The following YAP1 variants were observed in gnomAD, a reference collection of about 807,000 sequenced individuals.
YAP1 encodes the protein Yes1 associated transcriptional regulator.
YAP1 carries 5 observed loss-of-function variants against 56.9 expected under a neutral mutation model. The ratio of observed to expected loss-of-function variants is 0.09; its 90% CI spans 0.05 to 0.18. The LOEUF is 0.18. YAP1 is among the 10% of genes least tolerant of loss of function. YAP1 has a pLI of 1.00. For synonymous variants in YAP1, 265 were observed against 248.1 expected (o/e 1.07, Z -0.64); for missense variants, 539 against 651.8 (o/e 0.83, Z 1.88).
chr11:102,206,370 A>G lies in YAP1; in HGVS notation c.984+296A>G, dbSNP rs147048316. ...AGCAAGGATGCTTTCTCTAATGTAC[A>G]TGGAATTGTGGATTGCTGTTTTTCT... On this transcript the variant is annotated intron_variant, in intron 5 of 8. Transcript: ENST00000282441. Among the ~76,000 whole-genome samples the G allele has an allele frequency of 3.6e-3, 553 of 152,340 alleles. 3 individuals carry two copies. Among genetic ancestry groups the G allele is most frequent in the Middle Eastern group, 0.014 (4 of 294 alleles).
chr11:102,193,878 G>A (rs1213470724), intron 4 of YAP1, among the ~76,000 whole-genome samples: 2 of 147,524 alleles, frequency 1.4e-5, no homozygotes, highest in Non-Finnish European at 3.0e-5. Context: ...TCGCTCTGTC[G>A]CCCAGGCTGG....
chr11:102,200,908 G>A (rs1384045529), intron 4 of YAP1, among the ~76,000 whole-genome samples: 2 of 152,104 alleles, frequency 1.3e-5, no homozygotes, highest in Non-Finnish European at 2.9e-5. Flanking sequence ...TTTCAGATGG[G>A]CAGAAACCCA....
intron 2 of YAP1, among the ~76,000 whole-genome samples, chr11:102,134,464 A>G (rs1944555005): frequency 6.7e-6 from 1 of 148,276 alleles, no homozygotes; most frequent in African/African-American, 2.5e-5. Context: ...CTCTTTTTTT[A>G]ATCTATGAAA....
At chr11:102,150,059 C>T (rs1945545242) in intron 2 of YAP1, among the ~76,000 whole-genome samples, 2 of 135,054 alleles carry the variant, frequency 1.5e-5, no homozygotes, top group African/African-American at 5.4e-5. Flanking sequence ...ATCTCGGCTC[C>T]TTGCAACTTC....
intron 3 of YAP1, among the ~76,000 whole-genome samples, chr11:102,174,753 A>C (rs1947135717): frequency 6.6e-6 from 1 of 152,114 alleles, no homozygotes; most frequent in South Asian, 2.1e-4. Flanking sequence ...AAAGACAAAA[A>C]AGTCAGCGTC....
At chr11:102,194,403 C>G (rs1948466445) in intron 4 of YAP1, among the ~76,000 whole-genome samples, 2 of 152,312 alleles carry the variant, frequency 1.3e-5, no homozygotes, top group South Asian at 4.1e-4. Context: ...TTTTAGAACT[C>G]ATTCTGGACT....
chr11:102,150,648 A>C (rs986211121), intron 2 of YAP1, among the ~76,000 whole-genome samples: 12 of 152,250 alleles, frequency 7.9e-5, no homozygotes, highest in Non-Finnish European at 1.8e-4. Flanking sequence ...TGTATGGCTT[A>C]CAGTAACTTA....
At chr11:102,114,734 A>G (rs763958910) in intron 2 of YAP1, among the ~76,000 whole-genome samples, 75 of 152,318 alleles carry the variant, frequency 4.9e-4, no homozygotes, top group Non-Finnish European at 8.5e-4. Flanking sequence ...AAAATTTTCA[A>G]ATTCTGGGAA....
chr11:102,200,155 A>G (rs1824558279), intron 4 of YAP1, among the ~76,000 whole-genome samples: 1 of 152,220 alleles, frequency 6.6e-6, no homozygotes, highest in South Asian at 2.1e-4. Flanking sequence ...CCGTACTAGT[A>G]TAAGAATAGT....
chr11:102,150,685 G>T (rs963338136), intron 2 of YAP1, among the ~76,000 whole-genome samples: 10 of 151,622 alleles, frequency 6.6e-5, no homozygotes, highest in African/African-American at 2.2e-4. Context: ...CTTAATTTAT[G>T]CTTTAAACCT....
At chr11:102,163,949 A>G (rs1276712997) in intron 3 of YAP1, among the ~76,000 whole-genome samples, 3 of 152,228 alleles carry the variant, frequency 2.0e-5, no homozygotes, top group Non-Finnish European at 4.4e-5. Context: ...TAAATTCTGA[A>G]GAAAAATTCC....
intron 2 of YAP1, among the ~76,000 whole-genome samples, chr11:102,147,019 T>C (rs1945359303): frequency 6.6e-6 from 1 of 152,198 alleles, no homozygotes; most frequent in African/African-American, 2.4e-5. Flanking sequence ...CTTTAATTCC[T>C]TTATCTGGAG....
intron 2 of YAP1, among the ~76,000 whole-genome samples, chr11:102,130,368 A>G (rs574737844): frequency 2.6e-5 from 4 of 152,266 alleles, no homozygotes; most frequent in African/African-American, 9.6e-5. Context: ...TTAAGGTCAC[A>G]GTTAAAATTT....
intron 4 of YAP1, among the ~76,000 whole-genome samples, chr11:102,189,364 T>G (rs1405744380): frequency 2.0e-5 from 3 of 152,184 alleles, no homozygotes; most frequent in Non-Finnish European, 4.4e-5. Context: ...TTTAAAACAC[T>G]AATAGTTGAT....
At chr11:102,201,301 T>C (rs934766837) in intron 4 of YAP1, among the ~76,000 whole-genome samples, 3 of 152,178 alleles carry the variant, frequency 2.0e-5, no homozygotes, top group Non-Finnish European at 4.4e-5. Flanking sequence ...ATGCATAGTA[T>C]GCTACCATAT....
At chr11:102,192,108 A>ATAG (rs1261095109) in intron 4 of YAP1, among the ~76,000 whole-genome samples, 13 of 152,196 alleles carry the variant, frequency 8.5e-5, no homozygotes, top group Non-Finnish European at 1.9e-4. Context: ...TTACTTCATT[A>ATAG]TAGTGTAGCC....
intron 2 of YAP1, among the ~76,000 whole-genome samples, chr11:102,131,752 A>T (rs1944378332): frequency 6.6e-6 from 1 of 152,184 alleles, no homozygotes; most frequent in African/African-American, 2.4e-5. Context: ...TGAGTTTGAG[A>T]TTATTTTTAA....
chr11:102,148,900 A>G (rs957369898), intron 2 of YAP1, among the ~76,000 whole-genome samples: 1 of 152,188 alleles, frequency 6.6e-6, no homozygotes, highest in Non-Finnish European at 1.5e-5. Flanking sequence ...CTGTTTAACT[A>G]TAATCTTTTA....
intron 2 of YAP1, among the ~76,000 whole-genome samples, chr11:102,116,662 C>T (rs1300991947): frequency 4.0e-5 from 6 of 151,890 alleles, no homozygotes; most frequent in Admixed American, 3.3e-4. Flanking sequence ...GATATTTACC[C>T]GGAAAAGAAA....
Sources: gnomAD v4.1 joint callset for allele counts (sites outside exome capture counted in the v4.1 genomes callset) on GRCh38, gnomAD v4.1.1 for gene constraint, MANE v1.5 for transcripts, NCBI Gene and HGNC (gene_info 2026-07-23, HGNC 2026-07-21) for gene names.